The following SAXO1 variants were observed in gnomAD, a reference collection of about 807,000 sequenced individuals.
SAXO1 encodes the protein 4930500O09Rik.
A neutral mutation model predicts 17.5 loss-of-function variants in SAXO1; 21 were observed. That is an observed-to-expected ratio of 1.20 (90% CI 0.85 to 1.72). SAXO1 has a LOEUF of 1.72. Among genes scored for constraint, SAXO1 ranks in the 40% most tolerant of loss-of-function variants. SAXO1 has a pLI of 0.00. For missense variants in SAXO1, 843 were observed against 596.0 expected (o/e 1.41, Z -4.32); for synonymous variants, 274 against 216.5 (o/e 1.27, Z -2.33).
At chr9:18,995,040 T>A (rs1833948989) in intron 1 of SAXO1, among the ~76,000 whole-genome samples, 1 of 152,218 alleles carries the variant, frequency 6.6e-6, no homozygotes, top group Non-Finnish European at 1.5e-5. Context: ...CTTTTTGAAA[T>A]GCACAAAATA....
chr9:19,031,337 G>A (rs10963920), intron 1 of SAXO1, among the ~76,000 whole-genome samples: 11,025 of 152,122 alleles, frequency 0.072, 521 homozygotes, highest in Non-Finnish European at 0.1. Context: ...CGAGGCAGGC[G>A]ATCACCTGAG....
At chr9:18,994,131 CA>C (rs1200513081) in intron 1 of SAXO1, among the ~76,000 whole-genome samples, 1 of 152,044 alleles carries the variant, frequency 6.6e-6, no homozygotes, top group Non-Finnish European at 1.5e-5. Flanking sequence ...TTACTGTAGC[CA>C]AAAATACAGG....
chr9:19,028,525 TAAGTC>T (rs765612263), intron 1 of SAXO1, among the ~76,000 whole-genome samples: 107 of 152,380 alleles, frequency 7.0e-4, no homozygotes, highest in African/African-American at 2.4e-3. Context: ...TGTAGCTTCT[TAAGTC>T]AAGATAATTA....
At chr9:19,031,772 C>G (rs73435303) in intron 1 of SAXO1, among the ~76,000 whole-genome samples, 1 of 152,132 alleles carries the variant, frequency 6.6e-6, no homozygotes, top group South Asian at 2.1e-4. Flanking sequence ...ATCAATTCAA[C>G]GGCCTGAGCA....
rs1261171552 is a variant in SAXO1 at position 18,998,677 on chromosome 9, T to C, written c.38+34194A>G. Among the ~76,000 whole-genome samples, 8 of 152,042 alleles carry C rather than the reference T, an allele frequency of 5.3e-5. No homozygotes were observed. In the South Asian group the frequency reaches 1.0e-3, roughly 20 times the overall value. ...CACGTAATTGTCAGATTCACCAAGG[T>C]TGAAATGAAGGAAAAAATGTTAAGG... On this transcript the variant is annotated intron_variant, in intron 1 of 3. Coordinates refer to ENST00000380534, the MANE Select transcript of SAXO1 (RefSeq NM_153707.4).
intron 1 of SAXO1, among the ~76,000 whole-genome samples, chr9:19,046,082 CAAAAAAAA>C (rs57919139): frequency 1.8e-5 from 1 of 55,420 alleles, no homozygotes; most frequent in African/African-American, 7.1e-5. Context: ...AACTCCGTCT[CAAAAAAAA>C]AAAAAAAAAA....
At chr9:18,976,772 A>G (rs1361487243) in intron 1 of SAXO1, among the ~76,000 whole-genome samples, 1 of 152,218 alleles carries the variant, frequency 6.6e-6, no homozygotes, top group East Asian at 1.9e-4. Context: ...GTTAAAAGTC[A>G]TGGCTCCAAA....
chr9:19,009,375 A>C (rs1834625233), intron 1 of SAXO1, among the ~76,000 whole-genome samples: 1 of 152,136 alleles, frequency 6.6e-6, no homozygotes, highest in South Asian at 2.1e-4. Context: ...GAGTCCTGCC[A>C]CTTCTGTGAT....
intron 1 of SAXO1, among the ~76,000 whole-genome samples, chr9:18,963,192 G>T (rs996177655): frequency 2.0e-5 from 3 of 152,108 alleles, no homozygotes; most frequent in African/African-American, 7.2e-5. Flanking sequence ...TGCTGTTTTG[G>T]TTATCGTAGC....
At chr9:19,003,022 G>A (rs1834340205) in intron 1 of SAXO1, among the ~76,000 whole-genome samples, 1 of 152,178 alleles carries the variant, frequency 6.6e-6, no homozygotes, top group South Asian at 2.1e-4. Flanking sequence ...ATCTCCTTAA[G>A]CTGATAAGCA....
intron 1 of SAXO1, among the ~76,000 whole-genome samples, chr9:19,002,679 A>G (rs1212024257): frequency 2.6e-5 from 4 of 152,108 alleles, no homozygotes; most frequent in South Asian, 4.2e-4. Flanking sequence ...AAAGGCCTTC[A>G]ATAAAATTCA....
intron 1 of SAXO1, among the ~76,000 whole-genome samples, chr9:19,003,976 T>G (rs970128313): frequency 6.6e-6 from 1 of 151,908 alleles, no homozygotes; most frequent in African/African-American, 2.4e-5. Flanking sequence ...GGAGAAAAAT[T>G]TTGCAATCTA....
At chr9:18,960,772 C>T (rs1231567077) in intron 1 of SAXO1, among the ~76,000 whole-genome samples, 1 of 147,614 alleles carries the variant, frequency 6.8e-6, no homozygotes, top group African/African-American at 2.6e-5. Flanking sequence ...CAGAGCAAGA[C>T]CCTGTCTCAA....
At chr9:18,966,469 C>T (rs1195731373) in intron 1 of SAXO1, among the ~76,000 whole-genome samples, 2 of 152,146 alleles carry the variant, frequency 1.3e-5, no homozygotes, top group African/African-American at 2.4e-5. Flanking sequence ...ATCTTGTCCT[C>T]ATGCTTTATT....
chr9:19,011,738 A>C (rs1446203521), intron 1 of SAXO1, among the ~76,000 whole-genome samples: 2 of 152,126 alleles, frequency 1.3e-5, no homozygotes, highest in African/African-American at 2.4e-5. Flanking sequence ...ATAACACAAA[A>C]TCTAAGTATG....
At chr9:18,972,036 A>C (rs1832962621) in intron 1 of SAXO1, among the ~76,000 whole-genome samples, 3 of 152,190 alleles carry the variant, frequency 2.0e-5, no homozygotes. Context: ...CTTTTGGTTT[A>C]TATGTTTTCA....
At position 18,951,087 on chromosome 9, in the gene SAXO1, A is replaced by C. The variant is rs892107760; in HGVS notation, c.39-150T>G. 7.8e-6 allele frequency: 6 copies of C among 765,652 alleles called. No individual in the cohort carries two copies. In the African/African-American group the frequency reaches 8.8e-5, roughly 11 times the overall value. The allele number at this position is 765,652 out of a possible 1,614,324, so 47.4% of individuals were successfully genotyped here. ...AATTCAACGGTTACTTTTTTCCACT[A>C]AACTACGTGAAGTGGCCAGAATATA... On this transcript the variant is annotated intron_variant, in intron 1 of 3. Transcript: ENST00000380534.
chr9:19,010,478 G>GAA (rs567438499), intron 1 of SAXO1, among the ~76,000 whole-genome samples: 10,731 of 143,046 alleles, frequency 0.075, 470 homozygotes, highest in African/African-American at 0.12. Flanking sequence ...ATATTTCTAG[G>GAA]AAAAAAAAAA....
At chr9:19,015,818 G>C (rs1050354099) in intron 1 of SAXO1, among the ~76,000 whole-genome samples, 1 of 151,992 alleles carries the variant, frequency 6.6e-6, no homozygotes, top group African/African-American at 2.4e-5. Context: ...TTGTGTTTTT[G>C]AGGTTGACAC....
Sources: allele counts gnomAD v4.1 joint callset (sites outside exome capture counted in the v4.1 genomes callset), GRCh38; gene constraint gnomAD v4.1.1; transcripts MANE v1.5; gene names NCBI Gene and HGNC (gene_info 2026-07-23, HGNC 2026-07-21).